The following TADA2A variants were observed in gnomAD, a reference collection of about 807,000 sequenced individuals.
TADA2A encodes the protein transcriptional adapter 2-alpha.
Under a neutral mutation model 67.4 loss-of-function variants are expected in TADA2A, and 38 were observed. The ratio of observed to expected loss-of-function variants is 0.56; its 90% CI spans 0.44 to 0.74. The LOEUF is 0.74. Among genes scored for constraint, TADA2A ranks in the 30% least tolerant of loss-of-function variants. The pLI, the probability that TADA2A is intolerant of heterozygous loss-of-function variation, is 0.00. For missense variants in TADA2A, 454 were observed against 547.0 expected (o/e 0.83, Z 1.70); for synonymous variants, 192 against 181.6 (o/e 1.06, Z -0.46).
chr17:37,433,264 T>TA (rs2052624923), intron 4 of TADA2A, among the ~76,000 whole-genome samples: 1 of 152,156 alleles, frequency 6.6e-6, no homozygotes, highest in Admixed American at 6.6e-5. Context: ...TTTTTGGGTT[T>TA]ACTGAAGTTG....
At chr17:37,472,449 G>C (rs982340772) in intron 14 of TADA2A, among the ~76,000 whole-genome samples, 3 of 151,958 alleles carry the variant, frequency 2.0e-5, no homozygotes, top group Admixed American at 2.0e-4. Flanking sequence ...AAAAGGTATT[G>C]TTTTAGGGGA....
At chr17:37,455,420 C>T (rs971447038) in intron 8 of TADA2A, among the ~76,000 whole-genome samples, 1 of 151,480 alleles carries the variant, frequency 6.6e-6, no homozygotes, top group Admixed American at 6.6e-5. Flanking sequence ...CTCACTCTGT[C>T]GCCCAGGCTG....
At chr17:37,456,573 A>G (rs1188311996) in intron 8 of TADA2A, among the ~76,000 whole-genome samples, 1 of 152,198 alleles carries the variant, frequency 6.6e-6, no homozygotes, top group Non-Finnish European at 1.5e-5. Context: ...AAGAATCCAG[A>G]TTGAGTTCTG....
chr17:37,452,433 C>T (rs1597911854), intron 8 of TADA2A, among the ~76,000 whole-genome samples: 1 of 152,086 alleles, frequency 6.6e-6, no homozygotes, highest in Non-Finnish European at 1.5e-5. Flanking sequence ...ATGGTAAGTA[C>T]TCAGTGTGTT....
chr17:37,438,518 A>G (rs78954689), intron 5 of TADA2A, among the ~76,000 whole-genome samples: 2,723 of 152,138 alleles, frequency 0.018, 78 homozygotes, highest in African/African-American at 0.063. Context: ...TTACTGAAGG[A>G]CTCTTAATTA....
chr17:37,451,649 C>T (rs2053237397), intron 8 of TADA2A, among the ~76,000 whole-genome samples: 1 of 151,898 alleles, frequency 6.6e-6, no homozygotes, highest in South Asian at 2.1e-4. Flanking sequence ...CACTCCTACA[C>T]AAATCTCAGG....
chr17:37,441,401 G>A (rs968174945), intron 6 of TADA2A, among the ~76,000 whole-genome samples: 19 of 152,206 alleles, frequency 1.2e-4, no homozygotes, highest in African/African-American at 3.9e-4. Flanking sequence ...AATTGCCTTG[G>A]TGTCAAGCCC....
At chr17:37,408,471 G>C (rs1350719709) in intron 1 of TADA2A, 1 of 152,108 alleles carries the variant, frequency 6.6e-6, no homozygotes, top group Non-Finnish European at 1.5e-5. Context: ...GGCTGATCTC[G>C]AACTGCCGAC....
At chr17:37,461,873 C>T (rs997316827) in intron 9 of TADA2A, 3 of 499,672 alleles carry the variant, frequency 6.0e-6, no homozygotes, top group African/African-American at 4.0e-5. Flanking sequence ...CTATGCCCAA[C>T]AAGAGGAAAA....
chr17:37,432,814 C>T (rs1349795022), intron 4 of TADA2A, among the ~76,000 whole-genome samples: 2 of 151,736 alleles, frequency 1.3e-5, no homozygotes, highest in Non-Finnish European at 2.9e-5. Flanking sequence ...ACACCTCTGT[C>T]GACAATATAT....
At chr17:37,426,701 G>A (rs1287934268) in intron 3 of TADA2A, 6 of 255,216 alleles carry the variant, frequency 2.4e-5, no homozygotes, top group Non-Finnish European at 3.6e-5. Flanking sequence ...TTGTCAAGAA[G>A]TGGTGTGGTG....
At chr17:37,470,081 A>G (rs1010859876) in intron 12 of TADA2A, among the ~76,000 whole-genome samples, 1 of 152,230 alleles carries the variant, frequency 6.6e-6, no homozygotes, top group African/African-American at 2.4e-5. Flanking sequence ...AAATATGACT[A>G]TAGTAAAAGT....
At chr17:37,423,444 C>A in intron 2 of TADA2A, 65 bp from the exon 3 acceptor site, 1 of 1,277,844 alleles carries the variant, frequency 7.8e-7, no homozygotes, top group Non-Finnish European at 1.1e-6. Context: ...GGGATTTTCA[C>A]CTTTTTGCAC....
chr17:37,477,302 A>G lies in TADA2A; in HGVS notation c.*320A>G, dbSNP rs1346922631. ...CACAGTGCTGGTAGAAATGGAACTAAACCACAGTCTGTAATCCCAGGAGTC... is the reference window on the plus strand; with the variant it reads ...CACAGTGCTGGTAGAAATGGAACTAGACCACAGTCTGTAATCCCAGGAGTC... On this transcript the variant is annotated 3_prime_UTR_variant, in exon 16 of 16. Transcript: ENST00000615182. 7.8e-6 allele frequency: 2 copies of G among 255,264 alleles called. No individual in the cohort carries two copies. Among genetic ancestry groups the G allele is most frequent in the Non-Finnish European group, 1.5e-5 (2 of 134,752 alleles). The allele number at this position is 255,264 out of a possible 1,614,324, so 15.8% of individuals were successfully genotyped here.
At chr17:37,454,777 T>C in intron 8 of TADA2A, 1 of 283,350 alleles carries the variant, frequency 3.5e-6, no homozygotes, top group African/African-American at 2.3e-5. Context: ...AACATGAAGT[T>C]AAAAAGGCTC....
rs35878460 is a variant in TADA2A, at chr17:37,478,117, CAA to C, written c.*1147_*1148del. ...TGGGCAACAAAGTGAGACTCTGTCT[CAA>C]AAAAAAAAAAACAAAAAAAAACCTT... On this transcript the variant is annotated 3_prime_UTR_variant, in exon 16 of 16. Coordinates refer to ENST00000615182, the MANE Select transcript of TADA2A (RefSeq NM_001166105.3). 1.6e-5 allele frequency: 2 copies of C among 128,628 alleles called. No individual in the cohort carries two copies. Among genetic ancestry groups the C allele is most frequent in the Admixed American group, 8.0e-5 (1 of 12,484 alleles). The allele number at this position is 128,628 out of a possible 1,614,324, so 8.0% of individuals were successfully genotyped here. A position where few individuals can be genotyped will look rare whatever the true frequency, so the allele number is the denominator to read the frequency against.
chr17:37,420,340 A>G (rs1041979652), intron 2 of TADA2A, among the ~76,000 whole-genome samples: 1 of 145,520 alleles, frequency 6.9e-6, no homozygotes, highest in Non-Finnish European at 1.5e-5. Flanking sequence ...CATATATTGA[A>G]TTTGAAGCTA....
At chr17:37,465,321 G>C in intron 10 of TADA2A, 110 bp from the exon 11 acceptor site, 1 of 762,144 alleles carries the variant, frequency 1.3e-6, no homozygotes, top group Non-Finnish European at 2.1e-6. Context: ...AGTCATATGA[G>C]GTTATGAATA....
At chr17:37,463,977 G>GA (rs375523826) in intron 10 of TADA2A, among the ~76,000 whole-genome samples, 17 of 145,864 alleles carry the variant, frequency 1.2e-4, no homozygotes, top group East Asian at 1.0e-3. Flanking sequence ...GGTAAGCTAG[G>GA]AAAAAAAAAA....
Sources: gnomAD v4.1 joint callset for allele counts (sites outside exome capture counted in the v4.1 genomes callset) on GRCh38, gnomAD v4.1.1 for gene constraint, MANE v1.5 for transcripts, NCBI Gene and HGNC (gene_info 2026-07-23, HGNC 2026-07-21) for gene names.